The following SPIDR variants were observed in gnomAD, a reference collection of about 807,000 sequenced individuals.
SPIDR encodes the protein scaffold protein involved in DNA repair.
SPIDR carries 93 observed loss-of-function variants against 104.6 expected under a neutral mutation model. The ratio of observed to expected loss-of-function variants is 0.89; its 90% CI spans 0.75 to 1.06. The LOEUF (loss-of-function observed/expected upper bound fraction) is 1.06. Ranked by LOEUF, SPIDR falls within the 50% of genes least tolerant of loss-of-function variation. The pLI is 0.00. For synonymous variants in SPIDR, 431 were observed against 416.9 expected (o/e 1.03, Z -0.41); for missense variants, 1,154 against 1,111.2 (o/e 1.04, Z -0.55).
chr8:47,651,693 C>G (rs1253030390), intron 10 of SPIDR, among the ~76,000 whole-genome samples: 2 of 152,016 alleles, frequency 1.3e-5, no homozygotes, highest in African/African-American at 2.4e-5. Context: ...AGATAGGGAA[C>G]CAACCTAAGT....
intron 8 of SPIDR, among the ~76,000 whole-genome samples, chr8:47,579,371 T>C (rs2059473035): frequency 6.6e-6 from 1 of 152,244 alleles, no homozygotes; most frequent in African/African-American, 2.4e-5. Context: ...ACCAGAATTA[T>C]GATAACCCCA....
intron 8 of SPIDR, among the ~76,000 whole-genome samples, chr8:47,551,905 T>C (rs2154397502): frequency 6.6e-6 from 1 of 152,348 alleles, no homozygotes; most frequent in East Asian, 1.9e-4. Flanking sequence ...TTTATGGGCA[T>C]TTAATGCTGT....
intron 8 of SPIDR, among the ~76,000 whole-genome samples, chr8:47,507,065 G>C (rs2081590371): frequency 6.6e-6 from 1 of 152,106 alleles, no homozygotes. Flanking sequence ...GTTTTTGAGA[G>C]CCTTCTCTCC....
chr8:47,568,299 G>A (rs934920638), intron 8 of SPIDR, among the ~76,000 whole-genome samples: 3 of 151,846 alleles, frequency 2.0e-5, no homozygotes, highest in Non-Finnish European at 4.4e-5. Context: ...TTCTTTATAG[G>A]GCCAATATGA....
At chr8:47,465,394 TG>T (rs1227419177) in intron 8 of SPIDR, among the ~76,000 whole-genome samples, 4 of 152,262 alleles carry the variant, frequency 2.6e-5, no homozygotes, top group African/African-American at 4.8e-5. Context: ...ATAGGCTAAG[TG>T]CCCAAATTAA....
chr8:47,702,642 T>C (rs2080472953), intron 14 of SPIDR, among the ~76,000 whole-genome samples: 1 of 152,148 alleles, frequency 6.6e-6, no homozygotes, highest in Non-Finnish European at 1.5e-5. Flanking sequence ...GCTAGAAACC[T>C]CTGCCAGCCC....
intron 11 of SPIDR, among the ~76,000 whole-genome samples, chr8:47,685,511 T>TTATTTATC (rs2077672959): frequency 7.0e-6 from 1 of 142,072 alleles, no homozygotes; most frequent in African/African-American, 2.5e-5. Flanking sequence ...ATTTATTTAT[T>TTATTTATC]TATTTATTTT....
chr8:47,554,998 A>G (rs143499790), intron 8 of SPIDR, among the ~76,000 whole-genome samples: 66 of 152,342 alleles, frequency 4.3e-4, no homozygotes, highest in Non-Finnish European at 5.9e-4. Flanking sequence ...TGGTCTAGAA[A>G]TTAATAGCAA....
At chr8:47,400,850 C>G (rs1472481738) in intron 6 of SPIDR, among the ~76,000 whole-genome samples, 1 of 151,954 alleles carries the variant, frequency 6.6e-6, no homozygotes, top group Non-Finnish European at 1.5e-5. Context: ...AAGACAAAAT[C>G]TACGTCTGAT....
intron 7 of SPIDR, among the ~76,000 whole-genome samples, chr8:47,436,039 C>T (rs1472547551): frequency 6.6e-6 from 1 of 152,120 alleles, no homozygotes; most frequent in African/African-American, 2.4e-5. Context: ...TGTTGTGAAT[C>T]GAGTATGAGA....
At chr8:47,532,994 A>G (rs958614482) in intron 8 of SPIDR, among the ~76,000 whole-genome samples, 3 of 152,344 alleles carry the variant, frequency 2.0e-5, no homozygotes, top group African/African-American at 7.2e-5. Context: ...TAAACAGTAC[A>G]CTTCTAACAC....
intron 8 of SPIDR, among the ~76,000 whole-genome samples, chr8:47,559,203 G>A (rs1482277502): frequency 6.6e-6 from 1 of 152,178 alleles, no homozygotes; most frequent in Non-Finnish European, 1.5e-5. Context: ...TTATACAGAG[G>A]TTAAAAAACT....
intron 8 of SPIDR, chr8:47,592,623 A>C: frequency 8.8e-7 from 1 of 1,137,618 alleles, no homozygotes; most frequent in Admixed American, 2.0e-5. Flanking sequence ...TCAGAACCCG[A>C]GTTCGGCCTC....
At chr8:47,610,978 G>A (rs1344149827) in intron 10 of SPIDR, among the ~76,000 whole-genome samples, 1 of 152,174 alleles carries the variant, frequency 6.6e-6, no homozygotes, top group East Asian at 1.9e-4. Flanking sequence ...CCATAAATAA[G>A]TCCTCAGAGG....
At chr8:47,452,514 A>G (rs989446438) in intron 8 of SPIDR, among the ~76,000 whole-genome samples, 4 of 152,224 alleles carry the variant, frequency 2.6e-5, no homozygotes, top group Non-Finnish European at 5.9e-5. Flanking sequence ...CTTATCCACC[A>G]TGATCAAGTG....
intron 8 of SPIDR, among the ~76,000 whole-genome samples, chr8:47,466,900 A>AAATATATAGAT (rs34970317): frequency 2.6e-5 from 3 of 114,340 alleles, no homozygotes; most frequent in African/African-American, 1.1e-4. Context: ...AAAAAAAAAA[A>AAATATATAGAT]ATATATATAT....
At chr8:47,623,535 G>T (rs1215397990) in intron 10 of SPIDR, among the ~76,000 whole-genome samples, 2 of 152,080 alleles carry the variant, frequency 1.3e-5, no homozygotes, top group African/African-American at 4.8e-5. Context: ...ATGAAGGGAT[G>T]GAGGAAGATC....
chr8:47,402,048 A>G (rs546261023), intron 6 of SPIDR, among the ~76,000 whole-genome samples: 9 of 152,352 alleles, frequency 5.9e-5, no homozygotes, highest in Admixed American at 2.0e-4. Context: ...TCAGCACCAC[A>G]TCGCACTTAT....
chr8:47,674,889 G>A (rs1254079430), intron 11 of SPIDR, among the ~76,000 whole-genome samples: 3 of 152,192 alleles, frequency 2.0e-5, no homozygotes, highest in Non-Finnish European at 2.9e-5. Context: ...GTACTGCTGA[G>A]TGACAGCTCT....
Sources: gnomAD v4.1 joint callset for allele counts (sites outside exome capture counted in the v4.1 genomes callset) on GRCh38, gnomAD v4.1.1 for gene constraint, MANE v1.5 for transcripts, NCBI Gene and HGNC (gene_info 2026-07-23, HGNC 2026-07-21) for gene names.